Variants in GRM3 observed in about 807,000 individuals in gnomAD.
The protein encoded by GRM3 is metabotropic glutamate receptor 3.
A neutral mutation model predicts 70.5 loss-of-function variants in GRM3; 26 were observed. The observed-to-expected ratio is 0.37, with a 90% CI of 0.27 to 0.51. The LOEUF (loss-of-function observed/expected upper bound fraction) is 0.51, where lower values mean the gene tolerates loss of function less well. GRM3 is among the 20% of genes least tolerant of loss of function. The probability of loss-of-function intolerance (pLI) is 0.93; values close to 1 mark genes in which losing one functional copy is unlikely to be tolerated. For missense variants in GRM3, 859 were observed against 1,123.8 expected (o/e 0.76, Z 3.37); for synonymous variants, 443 against 434.9 (o/e 1.02, Z -0.23).
chr7:86,740,921 T>C (rs1452733176), intron 1 of GRM3, among the ~76,000 whole-genome samples: 2 of 152,200 alleles, frequency 1.3e-5, no homozygotes, highest in Non-Finnish European at 2.9e-5. Context: ...CCGCTGAAGA[T>C]GTACAGATCA....
At chr7:86,752,479 A>G (rs1218056794) in intron 1 of GRM3, among the ~76,000 whole-genome samples, 9 of 152,158 alleles carry the variant, frequency 5.9e-5, no homozygotes. Context: ...GTTGAAAGCT[A>G]TACAAGAGAT....
intron 3 of GRM3, among the ~76,000 whole-genome samples, chr7:86,826,531 G>T (rs1397839935): frequency 6.6e-6 from 1 of 152,178 alleles, no homozygotes; most frequent in Non-Finnish European, 1.5e-5. Context: ...GATGAACGGG[G>T]AAAGGAGAGG....
chr7:86,721,722 T>G (rs1021285884), intron 1 of GRM3, among the ~76,000 whole-genome samples: 1 of 152,108 alleles, frequency 6.6e-6, no homozygotes, highest in African/African-American at 2.4e-5. Flanking sequence ...AAGATCTCTA[T>G]TAAAATGTAT....
chr7:86,759,337 G>A (rs950102295), intron 1 of GRM3, among the ~76,000 whole-genome samples: 1 of 152,142 alleles, frequency 6.6e-6, no homozygotes, highest in Admixed American at 6.6e-5. Flanking sequence ...AAAGATATTT[G>A]GGTCAAATTT....
intron 1 of GRM3, among the ~76,000 whole-genome samples, chr7:86,673,838 T>C (rs1794236191): frequency 6.6e-6 from 1 of 152,156 alleles, no homozygotes; most frequent in Admixed American, 6.6e-5. Context: ...CTCCTTCTTC[T>C]ATAACCATAC....
At chr7:86,755,706 T>A (rs1306901150) in intron 1 of GRM3, among the ~76,000 whole-genome samples, 1 of 152,230 alleles carries the variant, frequency 6.6e-6, no homozygotes, top group East Asian at 1.9e-4. Context: ...AATGCTACTT[T>A]CAGAAACATG....
intron 1 of GRM3, among the ~76,000 whole-genome samples, chr7:86,678,401 C>T (rs60582606): frequency 0.033 from 5,073 of 152,018 alleles, 277 homozygotes; most frequent in African/African-American, 0.12. Context: ...AATAGGCTAA[C>T]CCCCATTCCT....
chr7:86,822,583 A>C (rs1415152286), intron 3 of GRM3, among the ~76,000 whole-genome samples: 1 of 152,174 alleles, frequency 6.6e-6, no homozygotes, highest in Non-Finnish European at 1.5e-5. Context: ...GGGAGCACTT[A>C]GGTTCTGTCA....
At chr7:86,810,403 T>C (rs1393386471) in intron 3 of GRM3, among the ~76,000 whole-genome samples, 1 of 151,998 alleles carries the variant, frequency 6.6e-6, no homozygotes, top group Non-Finnish European at 1.5e-5. Flanking sequence ...GAATAGTTAC[T>C]GCTTTTATTC....
At chr7:86,668,618 G>A (rs1794091392) in intron 1 of GRM3, among the ~76,000 whole-genome samples, 1 of 152,066 alleles carries the variant, frequency 6.6e-6, no homozygotes, top group Non-Finnish European at 1.5e-5. Flanking sequence ...TGGAGGGAAG[G>A]AGGAGAAGAG....
rs192495537 is a variant in GRM3, at chr7:86,666,668, A to G, written c.-141+21796A>G. Among the ~76,000 whole-genome samples, 225 of 152,008 alleles carry G rather than the reference A, an allele frequency of 1.5e-3. 5 individuals carry two copies. The highest frequency in any genetic ancestry group is 0.011 in the Admixed American group (166 of 15,222). On this transcript the variant is annotated intron_variant, in intron 1 of 5. Coordinates refer to ENST00000361669, the MANE Select transcript of GRM3 (RefSeq NM_000840.3). ...TTTTCTAATGAATTCTAGGATCCAAACTAGCTATTTTTTTAATGAGAAAAT... is the reference window on the plus strand; with the variant it reads ...TTTTCTAATGAATTCTAGGATCCAAGCTAGCTATTTTTTTAATGAGAAAAT...
intron 2 of GRM3, among the ~76,000 whole-genome samples, chr7:86,779,598 G>A (rs1486998938): frequency 6.6e-6 from 1 of 152,204 alleles, no homozygotes; most frequent in Non-Finnish European, 1.5e-5. Flanking sequence ...GGAGAACTTA[G>A]TGAATAATCT....
intron 3 of GRM3, among the ~76,000 whole-genome samples, chr7:86,799,260 C>T (rs1052536891): frequency 3.8e-4 from 58 of 152,120 alleles, no homozygotes; most frequent in African/African-American, 1.3e-3. Flanking sequence ...TGAGCTGAGA[C>T]GATGAGGTTT....
chr7:86,842,646 A>G (rs895843846), intron 4 of GRM3, among the ~76,000 whole-genome samples: 1 of 152,222 alleles, frequency 6.6e-6, no homozygotes, highest in Non-Finnish European at 1.5e-5. Context: ...AATTTTGAGC[A>G]TCAGTCAACA....
chr7:86,845,393 C>T (rs1334724549), intron 4 of GRM3, among the ~76,000 whole-genome samples: 1 of 152,102 alleles, frequency 6.6e-6, no homozygotes, highest in Non-Finnish European at 1.5e-5. Context: ...TTAAATATTG[C>T]ATTATTGTCT....
intron 1 of GRM3, among the ~76,000 whole-genome samples, chr7:86,706,793 C>G (rs903681975): frequency 6.6e-6 from 1 of 151,098 alleles, no homozygotes; most frequent in African/African-American, 2.4e-5. Flanking sequence ...CTTTAATTAG[C>G]AAAAAAATAG....
At chr7:86,699,212 A>G (rs1794896501) in intron 1 of GRM3, among the ~76,000 whole-genome samples, 1 of 152,074 alleles carries the variant, frequency 6.6e-6, no homozygotes, top group African/African-American at 2.4e-5. Context: ...ACCTTAATAA[A>G]ATAAATTCTC....
intron 5 of GRM3, among the ~76,000 whole-genome samples, chr7:86,852,436 G>T (rs2115572933): frequency 6.6e-6 from 1 of 152,266 alleles, no homozygotes; most frequent in African/African-American, 2.4e-5. Context: ...CAAGTCTCTT[G>T]TTAGAAATTC....
intron 5 of GRM3, among the ~76,000 whole-genome samples, chr7:86,853,277 C>G (rs950996446): frequency 2.0e-5 from 3 of 152,024 alleles, no homozygotes; most frequent in Admixed American, 6.6e-5. Flanking sequence ...ATACCAGGTC[C>G]GGGTAAAATG....
Sources: allele counts gnomAD v4.1 joint callset (sites outside exome capture counted in the v4.1 genomes callset), GRCh38; gene constraint gnomAD v4.1.1; transcripts MANE v1.5; gene names NCBI Gene and HGNC (gene_info 2026-07-23, HGNC 2026-07-21).